The following ZNF713 variants were observed in gnomAD, a reference collection of about 807,000 sequenced individuals.
The protein encoded by ZNF713 is zinc finger protein 713.
In ZNF713, 21 loss-of-function variants were observed where a neutral mutation model predicts 28.7. The observed-to-expected ratio is 0.73, with a 90% CI of 0.52 to 1.05. The LOEUF (loss-of-function observed/expected upper bound fraction) is 1.05. Among genes scored for constraint, ZNF713 ranks in the 50% least tolerant of loss-of-function variants. ZNF713 has a pLI of 0.00. For synonymous variants in ZNF713, 167 were observed against 178.0 expected, an observed-to-expected ratio of 0.94 and a Z score of 0.49; for missense variants, 458 against 532.4, an observed-to-expected ratio of 0.86 and a Z score of 1.37.
chr7:55,929,204 A>G (rs1418070681), intron 6 of ZNF713, among the ~76,000 whole-genome samples: 2 of 152,176 alleles, frequency 1.3e-5, no homozygotes, highest in Non-Finnish European at 2.9e-5. Context: ...GTTCATATGG[A>G]AAATCCAAAG....
At chr7:55,887,702 G>T (rs1785275255) in intron 1 of ZNF713, 22 bp downstream of exon 1, 1 of 44,504 alleles carries the variant, frequency 2.2e-5, no homozygotes, top group Non-Finnish European at 4.0e-5. Flanking sequence ...CCGGGAGGAG[G>T]CGGAGGCGGG....
chr7:55,904,790 G>T (rs907258907), intron 1 of ZNF713, among the ~76,000 whole-genome samples: 2 of 152,082 alleles, frequency 1.3e-5, no homozygotes, highest in Non-Finnish European at 2.9e-5. Context: ...GCAGTGGCTT[G>T]ATCTCTGCTC....
At chr7:55,898,954 G>GAT (rs1323735497) in intron 1 of ZNF713, among the ~76,000 whole-genome samples, 1 of 152,132 alleles carries the variant, frequency 6.6e-6, no homozygotes, top group East Asian at 1.9e-4. Context: ...AAAGACAAAA[G>GAT]ATAACAAGTA....
At chr7:55,893,781 T>C (rs1172926862) in intron 1 of ZNF713, among the ~76,000 whole-genome samples, 1 of 152,046 alleles carries the variant, frequency 6.6e-6, no homozygotes, top group South Asian at 2.1e-4. Context: ...CATTTCACTA[T>C]GTTGGCCAGG....
At chr7:55,918,102 G>C (rs769124354) in intron 4 of ZNF713, 14 of 456,574 alleles carry the variant, frequency 3.1e-5, no homozygotes, top group South Asian at 2.0e-4. Context: ...AGGATGCAAA[G>C]CTTTGTGACT....
chr7:55,939,730 C>T lies in ZNF713; in HGVS notation c.1056C>T (p.Ser352=). 6.2e-7 allele frequency: 1 copy of T among 1,614,102 alleles called. No homozygotes were observed. Among genetic ancestry groups the T allele is most frequent in the Non-Finnish European group, 8.5e-7 (1 of 1,179,992 alleles). The change falls in exon 7 of 7, where the codon AGC becomes AGT. Residue 352 remains serine, a synonymous_variant. Coordinates refer to ENST00000429591, the MANE Select transcript of ZNF713 (RefSeq NM_182633.3). The part of the protein sequence containing the change: ...YKCNQCGKAF[S]RITSLTEHHR... Reference sequence around the variant, plus strand: ...GTAATCAATGTGGTAAAGCTTTTAGCCGCATCACATCCCTTACTGAACATC... The same window carrying T: ...GTAATCAATGTGGTAAAGCTTTTAGTCGCATCACATCCCTTACTGAACATC...
At chr7:55,930,031 A>T (rs1480635350) in intron 6 of ZNF713, among the ~76,000 whole-genome samples, 1 of 152,192 alleles carries the variant, frequency 6.6e-6, no homozygotes, top group Non-Finnish European at 1.5e-5. Context: ...CCTCTTAATA[A>T]GAGGCCAACA....
intron 2 of ZNF713, 45 bp downstream of exon 2, chr7:55,906,424 G>A (rs1300792433): frequency 1.3e-5 from 2 of 152,206 alleles, no homozygotes; most frequent in Non-Finnish European, 2.9e-5. Context: ...GGGTGAAGGT[G>A]TAGACATTAT....
At chr7:55,927,825 A>G (rs1786129484) in intron 6 of ZNF713, among the ~76,000 whole-genome samples, 3 of 130,080 alleles carry the variant, frequency 2.3e-5, no homozygotes, top group Non-Finnish European at 4.7e-5. Flanking sequence ...TGAACCCCGG[A>G]GACGGAGGTT....
Position 55,887,877 on chromosome 7 carries a change from C to CG in ZNF713, c.-583+199dup, listed in dbSNP as rs1280953507. Among the ~76,000 whole-genome samples the CG allele has an allele frequency of 4.2e-3, 95 of 22,838 alleles. 27 individuals are homozygous for CG. The South Asian group carries it at 0.058, about 14-fold the overall frequency. 15.0% of individuals were successfully genotyped at this position (22,838 alleles called of 152,430 possible). The stretch of plus-strand genomic sequence containing the variant: ...GGCGGGCGGCGGGCGGCGGCGGCGG[C>CG]GGCGGCGGCGGGCGGCGGCGGCGGC... On this transcript the variant is annotated intron_variant, in intron 1 of 6. Transcript: ENST00000429591.
chr7:55,923,719 CA>C lies in ZNF713; in HGVS notation c.307+21del. Reference sequence around the variant, plus strand: ...ATCCAGGTAAGTGCACACTCTTGGGCACTGCTACTTAATGAGGGAAAACAGC... The same window carrying C: ...ATCCAGGTAAGTGCACACTCTTGGGCCTGCTACTTAATGAGGGAAAACAGC... On this transcript the variant is annotated intron_variant, in intron 6 of 6. Transcript: ENST00000429591. The C allele has an allele frequency of 6.3e-7, 1 of 1,595,660 alleles. No homozygotes were observed. The highest frequency in any genetic ancestry group is 1.1e-5 in the South Asian group (1 of 89,456).
intron 1 of ZNF713, among the ~76,000 whole-genome samples, chr7:55,901,501 ATTAT>A (rs1562737317): frequency 6.6e-6 from 1 of 152,226 alleles, no homozygotes; most frequent in African/African-American, 2.4e-5. Flanking sequence ...AATATATATA[ATTAT>A]TTGTCAATTA....
intron 6 of ZNF713, among the ~76,000 whole-genome samples, chr7:55,932,817 G>C (rs540915153): frequency 7.2e-6 from 1 of 139,434 alleles, no homozygotes; most frequent in African/African-American, 2.7e-5. Flanking sequence ...CCGGGAAGCG[G>C]AGCTTGCAGT....
intron 1 of ZNF713, among the ~76,000 whole-genome samples, chr7:55,899,516 C>A (rs965987696): frequency 1.4e-5 from 2 of 143,656 alleles, no homozygotes; most frequent in Non-Finnish European, 3.0e-5. Context: ...ACTAAAAATA[C>A]AAAAAAATTT....
chr7:55,923,629 G>C lies in ZNF713; in HGVS notation c.237G>C (p.Glu79Asp). Residue 79 changes from glutamate (E) to aspartate (D), a missense_variant, in exon 6 of 7, where the codon GAG becomes GAC. By Grantham distance (45) the Glu-to-Asp change is conservative. Coordinates refer to ENST00000429591, the MANE Select transcript of ZNF713 (RefSeq NM_182633.3). ...TAGGGTATCAGCTTTGTAAGCCAGA[G>C]GTAATCGCGCAGTTGGAGCTAGAGG... ...VALGYQLCKP[E>D]VIAQLELEEE... The C allele has an allele frequency of 6.2e-7, 1 of 1,608,648 alleles. No individual in the cohort carries two copies. The highest frequency in any genetic ancestry group is 8.5e-7 in the Non-Finnish European group (1 of 1,177,278).
chr7:55,899,529 C>T (rs550729151), intron 1 of ZNF713, among the ~76,000 whole-genome samples: 18 of 148,700 alleles, frequency 1.2e-4, no homozygotes, highest in African/African-American at 3.5e-4. Context: ...AAAAATTTGC[C>T]GGGTGTGGTG....
At position 55,923,279 on chromosome 7, in the gene ZNF713, G is replaced by A. The variant is rs1485626123; in HGVS notation, c.205G>A (p.Val69Ile). ...DVMLENYRNL[V>I]ALGYQLCKPE... ...GATGCTGGAGAACTACAGGAATCTA[G>A]TTGCACTGGGTGAGGATGGCATCCC... The change falls in exon 5 of 7, where the codon GTT (valine) becomes ATT (isoleucine). Residue 69 changes from valine to isoleucine, a missense_variant. By Grantham distance (29) the Val-to-Ile change is conservative. Transcript: ENST00000429591. 1 of 1,612,004 alleles carries A rather than the reference G, an allele frequency of 6.2e-7. No individual in the cohort carries two copies.
At position 55,919,490 on chromosome 7, in the gene ZNF713, G is replaced by GTTTTTTTTTTTTTTTTTTT. The variant is rs55656709; in HGVS notation, c.88-3657_88-3639dup. On this transcript the variant is annotated intron_variant, in intron 4 of 6. Coordinates refer to ENST00000429591, the MANE Select transcript of ZNF713 (RefSeq NM_182633.3). The stretch of plus-strand genomic sequence containing the variant: ...GCTGGATAAATTGGTAAACACTCCA[G>GTTTTTTTTTTTTTTTTTTT]TTTTTTTTTTTTTTTTTTTTTTTTT... Among the ~76,000 whole-genome samples the GTTTTTTTTTTTTTTTTTTT allele has an allele frequency of 1.5e-3, 97 of 66,742 alleles. 3 individuals are homozygous for GTTTTTTTTTTTTTTTTTTT. Among genetic ancestry groups the GTTTTTTTTTTTTTTTTTTT allele is most frequent in the Non-Finnish European group, 2.4e-3 (76 of 32,200 alleles). 43.8% of individuals were successfully genotyped at this position (66,742 alleles called of 152,430 possible). A position where few individuals can be genotyped will look rare whatever the true frequency, so the allele number is the denominator to read the frequency against.
At chr7:55,935,270 G>T (rs1360636123) in intron 6 of ZNF713, among the ~76,000 whole-genome samples, 5 of 152,030 alleles carry the variant, frequency 3.3e-5, no homozygotes, top group Admixed American at 3.3e-4. Context: ...TTGCATTATT[G>T]TATGAAATAG....
Sources: allele counts gnomAD v4.1 joint callset (sites outside exome capture counted in the v4.1 genomes callset), GRCh38; gene constraint gnomAD v4.1.1; transcripts MANE v1.5; gene names NCBI Gene and HGNC (gene_info 2026-07-23, HGNC 2026-07-21).